The following RAB38 variants were observed in gnomAD, a reference collection of about 807,000 sequenced individuals.
RAB38 encodes the protein ras-related protein Rab-38.
RAB38 carries 15 observed loss-of-function variants against 18.4 expected under a neutral mutation model. That is an observed-to-expected ratio of 0.82 (90% confidence interval 0.55 to 1.26). The LOEUF is 1.26. RAB38 is among the 50% of genes most tolerant of loss of function. RAB38 has a pLI of 0.00. For missense variants in RAB38, 294 were observed against 267.4 expected (o/e 1.10, Z -0.69); for synonymous variants, 101 against 104.4 (o/e 0.97, Z 0.20).
At chr11:87,805,631 A>G in the RAB38 span, among the ~76,000 whole-genome samples, 8 of 151,812 alleles carry the variant, frequency 5.3e-5, no homozygotes, top group Non-Finnish European at 8.8e-5. Context: ...ACGCACACAC[A>G]CACACACACA....
the RAB38 span, among the ~76,000 whole-genome samples, chr11:87,859,846 T>G: frequency 6.6e-6 from 1 of 152,030 alleles, no homozygotes; most frequent in African/African-American, 2.4e-5. Flanking sequence ...GCAGAAAGAT[T>G]TTAGTGCTTT....
At chr11:88,124,107 T>C (rs1942662900) in intron 2 of RAB38, among the ~76,000 whole-genome samples, 1 of 152,242 alleles carries the variant, frequency 6.6e-6, no homozygotes, top group Admixed American at 6.5e-5. Context: ...AAGAACCATG[T>C]GTAAAAATGG....
the RAB38 span, among the ~76,000 whole-genome samples, chr11:87,851,136 C>T: frequency 6.6e-6 from 1 of 152,164 alleles, no homozygotes; most frequent in Non-Finnish European, 1.5e-5. Flanking sequence ...GTTACCTACA[C>T]CTCCTTCAAA....
At chr11:87,976,024 A>T in the RAB38 span, among the ~76,000 whole-genome samples, 1 of 151,002 alleles carries the variant, frequency 6.6e-6, no homozygotes, top group Non-Finnish European at 1.5e-5. Context: ...AAAACATAAG[A>T]CTCCAAATAA....
the RAB38 span, among the ~76,000 whole-genome samples, chr11:88,061,403 T>A: frequency 1.3e-5 from 2 of 152,088 alleles, no homozygotes; most frequent in African/African-American, 4.8e-5. Flanking sequence ...CTGAGCAAAA[T>A]GAGAATATTA....
At chr11:87,891,206 C>T in the RAB38 span, among the ~76,000 whole-genome samples, 1 of 151,842 alleles carries the variant, frequency 6.6e-6, no homozygotes, top group African/African-American at 2.4e-5. Flanking sequence ...TTCATTTGTT[C>T]CTCCATTTTC....
chr11:88,027,896 G>A, the RAB38 span, among the ~76,000 whole-genome samples: 1 of 152,184 alleles, frequency 6.6e-6, no homozygotes, highest in African/African-American at 2.4e-5. Context: ...GCATGCAGCT[G>A]GAGATCTGAG....
At chr11:88,117,513 C>A (rs1269465360) in intron 2 of RAB38, among the ~76,000 whole-genome samples, 1 of 152,094 alleles carries the variant, frequency 6.6e-6, no homozygotes, top group Admixed American at 6.6e-5. Flanking sequence ...TTAGTGAATA[C>A]CTAATACATG....
At chr11:88,029,050 C>T in the RAB38 span, among the ~76,000 whole-genome samples, 1 of 152,034 alleles carries the variant, frequency 6.6e-6, no homozygotes, top group Non-Finnish European at 1.5e-5. Flanking sequence ...ACTCTACAAG[C>T]CAGAAGAGAG....
the RAB38 span, among the ~76,000 whole-genome samples, chr11:87,964,369 T>C: frequency 6.6e-6 from 1 of 152,136 alleles, no homozygotes; most frequent in Admixed American, 6.6e-5. Context: ...ATTCATGTAA[T>C]GGTCATACAG....
the RAB38 span, among the ~76,000 whole-genome samples, chr11:87,853,971 C>T: frequency 6.6e-6 from 1 of 152,136 alleles, no homozygotes; most frequent in Non-Finnish European, 1.5e-5. Flanking sequence ...ATCTGGGATT[C>T]ATGTCCCTCT....
the RAB38 span, among the ~76,000 whole-genome samples, chr11:88,075,087 A>G: frequency 6.6e-6 from 1 of 152,220 alleles, no homozygotes; most frequent in Non-Finnish European, 1.5e-5. Context: ...GTTAGACACC[A>G]ATACAATAAT....
chr11:88,052,929 T>TC, the RAB38 span, among the ~76,000 whole-genome samples: 3 of 57,986 alleles, frequency 5.2e-5, no homozygotes, highest in African/African-American at 1.0e-4. Context: ...TATATATATA[T>TC]ATATATATAT....
the RAB38 span, among the ~76,000 whole-genome samples, chr11:87,824,005 T>TA: frequency 6.6e-6 from 1 of 152,198 alleles, no homozygotes; most frequent in Non-Finnish European, 1.5e-5. Flanking sequence ...GTTTTTGTTT[T>TA]ATTTTGGAAA....
At chr11:87,950,993 T>C in the RAB38 span, among the ~76,000 whole-genome samples, 1 of 152,218 alleles carries the variant, frequency 6.6e-6, no homozygotes, top group Non-Finnish European at 1.5e-5. Flanking sequence ...TCCAACTTGG[T>C]TCCATTCTCC....
the RAB38 span, among the ~76,000 whole-genome samples, chr11:88,053,860 G>A: frequency 1.3e-5 from 2 of 149,814 alleles, no homozygotes; most frequent in African/African-American, 4.9e-5. Context: ...ATGTTTGAAT[G>A]AATAAGATGA....
chr11:87,976,657 T>C, the RAB38 span, among the ~76,000 whole-genome samples: 1 of 114,798 alleles, frequency 8.7e-6, no homozygotes, highest in African/African-American at 3.3e-5. Context: ...TATATAAATA[T>C]ATATAATTTT....
chr11:87,937,870 GT>G, the RAB38 span, among the ~76,000 whole-genome samples: 2,158 of 91,920 alleles, frequency 0.023, 14 homozygotes, highest in African/African-American at 0.028. Flanking sequence ...TCATTGAAGT[GT>G]TTTTTTTTTT....
chr11:88,136,012 T>C (rs1452507705), intron 2 of RAB38, among the ~76,000 whole-genome samples: 2 of 152,192 alleles, frequency 1.3e-5, no homozygotes, highest in Non-Finnish European at 2.9e-5. Flanking sequence ...GTAAAATTAT[T>C]CTCAAAAAGT....
Sources: allele counts gnomAD v4.1 joint callset (sites outside exome capture counted in the v4.1 genomes callset), GRCh38; gene constraint gnomAD v4.1.1; transcripts MANE v1.5; gene names NCBI Gene and HGNC (gene_info 2026-07-23, HGNC 2026-07-21).